Variants in RGS7 observed in about 807,000 individuals in gnomAD.
RGS7 encodes the protein regulator of G protein signaling 7.
In RGS7, 27 loss-of-function variants were observed where a neutral mutation model predicts 81.1. That is an observed-to-expected ratio of 0.33 (90% CI 0.25 to 0.46). The LOEUF (loss-of-function observed/expected upper bound fraction) is 0.46, where lower values mean the gene tolerates loss of function less well. Ranked by LOEUF, RGS7 falls within the 20% of genes least tolerant of loss-of-function variation. The pLI, the probability that RGS7 is intolerant of heterozygous loss-of-function variation, is 1.00. For synonymous variants in RGS7, 208 were observed against 207.7 expected, an observed-to-expected ratio of 1.00 and a Z score of -0.01; for missense variants, 396 against 607.4, an observed-to-expected ratio of 0.65 and a Z score of 3.66.
intron 10 of RGS7, among the ~76,000 whole-genome samples, chr1:240,818,041 C>T (rs1456882230): frequency 6.6e-6 from 1 of 152,118 alleles, no homozygotes; most frequent in Non-Finnish European, 1.5e-5. Context: ...ACCTTGGAAC[C>T]CAATTCCCAT....
rs143924120 is a variant in RGS7 at position 240,908,286 on chromosome 1, A to G, written c.385+22431T>C. 3.6e-3 allele frequency among the ~76,000 whole-genome samples: 547 copies of G among 152,242 alleles called. 7 individuals carry two copies. The highest frequency in any genetic ancestry group is 9.3e-3 in the South Asian group (45 of 4,826). On this transcript the variant is annotated intron_variant, in intron 6 of 18. Coordinates refer to ENST00000440928, the MANE Select transcript of RGS7 (RefSeq NM_001364886.1). ...TGGGTGCAGTGAACCAACATGGCAC[A>G]TGTATACATATGTAACAAACCTGCA...
intron 4 of RGS7, among the ~76,000 whole-genome samples, chr1:240,944,282 G>A (rs9970752): frequency 0.018 from 1,002 of 55,192 alleles, 19 homozygotes; most frequent in African/African-American, 0.037. Context: ...GTGTGTGTGT[G>A]TATATATATA....
At chr1:240,909,280 A>G (rs1291137623) in intron 6 of RGS7, among the ~76,000 whole-genome samples, 1 of 152,236 alleles carries the variant, frequency 6.6e-6, no homozygotes, top group Non-Finnish European at 1.5e-5. Flanking sequence ...TGCATCAATG[A>G]CATTTCTAGA....
intron 4 of RGS7, among the ~76,000 whole-genome samples, chr1:240,964,978 C>A (rs1682050134): frequency 6.6e-6 from 1 of 152,118 alleles, no homozygotes; most frequent in South Asian, 2.1e-4. Context: ...CAGGGCTCTT[C>A]CTTCTTTGTG....
intron 2 of RGS7, among the ~76,000 whole-genome samples, chr1:241,159,313 A>C (rs757277548): frequency 2.0e-4 from 31 of 152,154 alleles, no homozygotes; most frequent in Non-Finnish European, 3.5e-4. Flanking sequence ...CCTACACACT[A>C]AAGCCCTTAC....
intron 3 of RGS7, among the ~76,000 whole-genome samples, chr1:241,041,680 C>A (rs1249053332): frequency 6.6e-6 from 1 of 152,152 alleles, no homozygotes; most frequent in Non-Finnish European, 1.5e-5. Context: ...GACCCCAAAG[C>A]AGACTTAGGT....
At chr1:240,910,823 A>G (rs1198001543) in intron 6 of RGS7, among the ~76,000 whole-genome samples, 1 of 151,910 alleles carries the variant, frequency 6.6e-6, no homozygotes, top group Non-Finnish European at 1.5e-5. Flanking sequence ...GTTCAAGGGG[A>G]TTCTCATGCC....
chr1:240,828,487 T>C (rs1693254367), intron 9 of RGS7, among the ~76,000 whole-genome samples: 1 of 152,194 alleles, frequency 6.6e-6, no homozygotes, highest in Non-Finnish European at 1.5e-5. Flanking sequence ...TAACGATCTC[T>C]GGTATTAGTA....
At chr1:240,960,126 G>A (rs1257535009) in intron 4 of RGS7, among the ~76,000 whole-genome samples, 3 of 150,860 alleles carry the variant, frequency 2.0e-5, no homozygotes, top group African/African-American at 7.3e-5. Flanking sequence ...TCCTGCCTGG[G>A]TGAAAGAGTG....
chr1:241,029,781 T>C (rs1049455338), intron 3 of RGS7, among the ~76,000 whole-genome samples: 6 of 152,228 alleles, frequency 3.9e-5, no homozygotes, highest in Admixed American at 3.9e-4. Flanking sequence ...ATATACAATA[T>C]AGAAATGGTT....
chr1:241,049,310 T>C (rs1054768342), intron 3 of RGS7, among the ~76,000 whole-genome samples: 3 of 152,248 alleles, frequency 2.0e-5, no homozygotes, highest in Admixed American at 6.5e-5. Context: ...TGTTATCTCA[T>C]ACCCCTCTTT....
chr1:240,935,219 G>A lies in RGS7; in HGVS notation c.333+1381C>T, dbSNP rs76486882. Among the ~76,000 whole-genome samples the A allele has an allele frequency of 6.1e-3, 921 of 152,056 alleles. 15 individuals are homozygous for A. The highest frequency in any genetic ancestry group is 0.022 in the African/African-American group (899 of 41,488). ...GGCCTCGGTGCCCTTTTAGACCCAT[G>A]AGCATGACTAAGACATGTAAACCTT... is the stretch of plus-strand genomic sequence containing the variant. On this transcript the variant is annotated intron_variant, in intron 5 of 18. Coordinates refer to ENST00000440928, the MANE Select transcript of RGS7 (RefSeq NM_001364886.1).
intron 2 of RGS7, among the ~76,000 whole-genome samples, chr1:241,206,914 C>T (rs990563292): frequency 6.6e-6 from 1 of 150,938 alleles, no homozygotes; most frequent in Non-Finnish European, 1.5e-5. Context: ...CTTTCTTTCT[C>T]CCTCCCTCCC....
intron 2 of RGS7, among the ~76,000 whole-genome samples, chr1:241,217,921 C>G (rs187794207): frequency 6.6e-6 from 1 of 152,286 alleles, no homozygotes; most frequent in East Asian, 1.9e-4. Context: ...CTCAAAGAAG[C>G]AAAGCTAACT....
rs1339035440 is a variant in RGS7, at chr1:241,071,500, T to G, written c.175+27166A>C. On this transcript the variant is annotated intron_variant, in intron 3 of 18. Transcript: ENST00000440928. ...TATGTCAGGCCTATGTTTAAGTGTTTTTTTTTTTTTTGTATTTACTAGCAG... is the reference window on the plus strand; with the variant it reads ...TATGTCAGGCCTATGTTTAAGTGTTGTTTTTTTTTTTGTATTTACTAGCAG... Among the ~76,000 whole-genome samples, 4 of 12,620 alleles carry G rather than the reference T, an allele frequency of 3.2e-4. No homozygotes were observed. The East Asian group carries it at 0.25, about 789-fold the overall frequency. 8.3% of individuals were successfully genotyped at this position (12,620 alleles called of 152,430 possible). A position where few individuals can be genotyped will look rare whatever the true frequency, so the allele number is the denominator to read the frequency against.
At position 241,123,021 on chromosome 1, in the gene RGS7, T is replaced by G. The variant is rs554640650; in HGVS notation, c.79-24259A>C. The stretch of plus-strand genomic sequence containing the variant: ...AGACACATGAATAAATGAGGGAAAT[T>G]TCCTGCTCTTGTGCAATCACAGAGA... On this transcript the variant is annotated intron_variant, in intron 2 of 18. Transcript: ENST00000440928. Among the ~76,000 whole-genome samples, 9 of 152,238 alleles carry G rather than the reference T, an allele frequency of 5.9e-5. No individual in the cohort carries two copies. In the East Asian group the frequency reaches 1.5e-3, roughly 26 times the overall value.
chr1:241,278,640 T>C (rs548245800), intron 2 of RGS7, among the ~76,000 whole-genome samples: 1 of 152,104 alleles, frequency 6.6e-6, no homozygotes, highest in African/African-American at 2.4e-5. Flanking sequence ...ACCCACTGAG[T>C]ATCCCTTTTC....
chr1:241,350,261 T>C (rs1016356461), intron 2 of RGS7, among the ~76,000 whole-genome samples: 1 of 152,212 alleles, frequency 6.6e-6, no homozygotes, highest in East Asian at 1.9e-4. Flanking sequence ...TCCTATCTTA[T>C]CTCAGGGTAC....
chr1:240,852,369 T>C (rs1433854763), intron 9 of RGS7, among the ~76,000 whole-genome samples: 2 of 151,550 alleles, frequency 1.3e-5, no homozygotes, highest in South Asian at 4.1e-4. Flanking sequence ...GCACACTTAA[T>C]AGACTACAGT....
Sources: allele counts gnomAD v4.1 joint callset (sites outside exome capture counted in the v4.1 genomes callset), GRCh38; gene constraint gnomAD v4.1.1; transcripts MANE v1.5; gene names NCBI Gene and HGNC (gene_info 2026-07-23, HGNC 2026-07-21).